The following BCAR3 variants were observed in gnomAD, a reference collection of about 807,000 sequenced individuals.
BCAR3 encodes the protein breast cancer anti-estrogen resistance protein 3.
Under a neutral mutation model 80.1 loss-of-function variants are expected in BCAR3, and 37 were observed. The observed-to-expected ratio is 0.46, with a 90% CI of 0.36 to 0.61. The LOEUF (loss-of-function observed/expected upper bound fraction) is 0.61. Ranked by LOEUF, BCAR3 falls within the 20% of genes least tolerant of loss-of-function variation. The pLI is 0.00. For missense variants in BCAR3, 978 were observed against 1,068.2 expected (o/e 0.92, Z 1.18); for synonymous variants, 389 against 418.9 (o/e 0.93, Z 0.87).
chr1:93,674,777 G>C lies in BCAR3; in HGVS notation c.154C>G (p.Pro52Ala). 6.2e-7 allele frequency: 1 copy of C among 1,612,792 alleles called. No homozygotes were observed. Among genetic ancestry groups the C allele is most frequent in the Non-Finnish European group, 8.5e-7 (1 of 1,179,680 alleles). The change falls in exon 2 of 12, where the codon CCA (proline) becomes GCA (alanine). Residue 52 changes from proline (P) to alanine (A), a missense_variant. Physicochemically the swap from Pro to Ala is conservative, Grantham distance 27 (BLOSUM62 -1). Coordinates refer to ENST00000260502, the MANE Select transcript of BCAR3 (RefSeq NM_003567.4). ...GGAGGAGGACCTTTTTTCTTCCGTG[G>C]AAGGGTGCCATGTATAGACACATCT... ...YQDVSIHGTL[P>A]RKKKGPPPIR...
At chr1:93,847,603 A>C (rs939324864), upstream of BCAR3, 1 of 152,192 alleles carries the variant, frequency 6.6e-6, no homozygotes, top group Non-Finnish European at 1.5e-5. Context: ...AGCGCATTGG[A>C]CTTCTAGAGG....
chr1:93,783,937 G>GCTCTCTTGTCTGGTTTT (rs1553171878), intron 2 of BCAR3, among the ~76,000 whole-genome samples: 1 of 152,146 alleles, frequency 6.6e-6, no homozygotes, highest in Admixed American at 6.5e-5. Context: ...GGCAAGTTTT[G>GCTCTCTTGTCTGGTTTT]CTCTCTTGTC....
chr1:93,776,547 C>T (rs532311266), intron 2 of BCAR3, among the ~76,000 whole-genome samples: 32 of 152,252 alleles, frequency 2.1e-4, no homozygotes, highest in African/African-American at 6.3e-4. Flanking sequence ...TTGGTTGTTA[C>T]GTCTATTATG....
At chr1:93,681,241 ACGG>A (rs1256378662) in intron 1 of BCAR3, 1 of 152,080 alleles carries the variant, frequency 6.6e-6, no homozygotes, top group African/African-American at 2.4e-5. Flanking sequence ...AGCAGCTCCG[ACGG>A]GCAGGGGGTC....
Position 93,769,355 on chromosome 1 carries a change from A to ATGTGTGTGTGTG in BCAR3, c.-62-63225_-62-63214dup, listed in dbSNP as rs59798936. ...TTTAGGACTAAATATGTGGGTAGGA[A>ATGTGTGTGTGTG]TGTGTGTGTGTGTGTGTGTGTGTGT... On this transcript the variant is annotated intron_variant, in intron 2 of 13. Transcript: ENST00000370244. Among the ~76,000 whole-genome samples, 218 of 119,910 alleles carry ATGTGTGTGTGTG rather than the reference A, an allele frequency of 1.8e-3. 2 individuals are homozygous for ATGTGTGTGTGTG. The highest frequency in any genetic ancestry group is 5.4e-3 in the African/African-American group (170 of 31,504). The allele number at this position is 119,910 out of a possible 152,430, so 78.7% of individuals were successfully genotyped here.
intron 3 of BCAR3, among the ~76,000 whole-genome samples, chr1:93,696,969 A>T (rs1328603385): frequency 6.6e-6 from 1 of 152,210 alleles, no homozygotes; most frequent in Non-Finnish European, 1.5e-5. Context: ...TCCAGCCCTG[A>T]TTGATACTCA....
intron 2 of BCAR3, among the ~76,000 whole-genome samples, chr1:93,670,467 G>C (rs1173957799): frequency 6.6e-6 from 1 of 152,182 alleles, no homozygotes; most frequent in African/African-American, 2.4e-5. Context: ...GCAGGGTACT[G>C]ACCCCTGTGC....
At chr1:93,777,622 G>A (rs1044981870) in intron 2 of BCAR3, among the ~76,000 whole-genome samples, 3 of 151,954 alleles carry the variant, frequency 2.0e-5, no homozygotes, top group South Asian at 4.2e-4. Context: ...TGGGGGTCTC[G>A]CTAGGTTGCC....
chr1:93,778,923 G>A (rs988381974), intron 2 of BCAR3, among the ~76,000 whole-genome samples: 2 of 152,154 alleles, frequency 1.3e-5, no homozygotes, highest in Admixed American at 6.5e-5. Flanking sequence ...GAGGGTGTCT[G>A]TCTTTGTTAT....
chr1:93,614,864 G>A (rs893556634), intron 3 of BCAR3, among the ~76,000 whole-genome samples: 25 of 152,058 alleles, frequency 1.6e-4, no homozygotes, highest in Admixed American at 9.2e-4. Flanking sequence ...CACAAACCTC[G>A]CATCCAACGC....
At chr1:93,713,852 G>C (rs1650106727) in intron 2 of BCAR3, among the ~76,000 whole-genome samples, 1 of 152,108 alleles carries the variant, frequency 6.6e-6, no homozygotes, top group Non-Finnish European at 1.5e-5. Context: ...CCCATTTCTG[G>C]AAGCCAAAAT....
At chr1:93,760,375 G>A (rs1478882560) in intron 2 of BCAR3, among the ~76,000 whole-genome samples, 3 of 152,094 alleles carry the variant, frequency 2.0e-5, no homozygotes, top group African/African-American at 7.2e-5. Flanking sequence ...GTCTGACTTC[G>A]GGTGAGACTC....
intron 3 of BCAR3, among the ~76,000 whole-genome samples, chr1:93,637,090 T>C (rs952627871): frequency 6.6e-6 from 1 of 151,996 alleles, no homozygotes; most frequent in African/African-American, 2.4e-5. Context: ...AGTAAGCCCC[T>C]GTCTCAAAAA....
chr1:93,846,950 C>T, intron 1 of BCAR3: 1 of 405,372 alleles, frequency 2.5e-6, no homozygotes, highest in Non-Finnish European at 5.0e-6. Context: ...AATAAACACG[C>T]ACAAGCACGC....
chr1:93,749,458 AGG>A (rs1337805394), intron 2 of BCAR3, among the ~76,000 whole-genome samples: 1 of 151,888 alleles, frequency 6.6e-6, no homozygotes, highest in African/African-American at 2.4e-5. Flanking sequence ...GCATGGTGAC[AGG>A]AGCCTGTAGT....
intron 3 of BCAR3, among the ~76,000 whole-genome samples, chr1:93,687,741 T>G (rs1649025656): frequency 6.6e-6 from 1 of 152,234 alleles, no homozygotes. Flanking sequence ...GATCCCTTCC[T>G]GCCACAAAGT....
intron 2 of BCAR3, among the ~76,000 whole-genome samples, chr1:93,668,718 T>G (rs959346691): frequency 6.6e-6 from 1 of 151,846 alleles, no homozygotes; most frequent in Non-Finnish European, 1.5e-5. Flanking sequence ...TTTTTTTCTT[T>G]TTTTTTTTCT....
intron 3 of BCAR3, among the ~76,000 whole-genome samples, chr1:93,603,226 T>C (rs113990828): frequency 1.6e-4 from 25 of 152,368 alleles, no homozygotes; most frequent in African/African-American, 6.0e-4. Context: ...ACGTGGGCAA[T>C]TGGGCATCTT....
At chr1:93,618,900 G>A (rs2101887531) in intron 3 of BCAR3, among the ~76,000 whole-genome samples, 1 of 149,294 alleles carries the variant, frequency 6.7e-6, no homozygotes, top group East Asian at 2.0e-4. Context: ...TCTGTTTTAG[G>A]CATTTACCAG....
Sources: gnomAD v4.1 joint callset for allele counts (sites outside exome capture counted in the v4.1 genomes callset) on GRCh38, gnomAD v4.1.1 for gene constraint, MANE v1.5 for transcripts, NCBI Gene and HGNC (gene_info 2026-07-23, HGNC 2026-07-21) for gene names.